PTPRD: variants seen among roughly 807,000 people sequenced by gnomAD.
PTPRD encodes the protein receptor-type tyrosine-protein phosphatase delta.
A neutral mutation model predicts 214.5 loss-of-function variants in PTPRD; 34 were observed. The observed-to-expected ratio is 0.16, with a 90% CI of 0.12 to 0.21. The LOEUF (loss-of-function observed/expected upper bound fraction) is 0.21. Among genes scored for constraint, PTPRD ranks in the 10% least tolerant of loss-of-function variants. The pLI is 1.00. For missense variants in PTPRD, 2,545 were observed against 2,398.7 expected, an observed-to-expected ratio of 1.06 and a Z score of -1.27; for synonymous variants, 1,128 against 845.7, an observed-to-expected ratio of 1.33 and a Z score of -5.79.
At chr9:8,750,200 G>A (rs974092309) in intron 11 of PTPRD, among the ~76,000 whole-genome samples, 4 of 151,952 alleles carry the variant, frequency 2.6e-5, no homozygotes, top group African/African-American at 7.3e-5. Flanking sequence ...TTCTATCTCC[G>A]AGGCTGGAGT....
intron 10 of PTPRD, among the ~76,000 whole-genome samples, chr9:9,038,403 C>A (rs1308876361): frequency 6.6e-6 from 1 of 152,090 alleles, no homozygotes; most frequent in Non-Finnish European, 1.5e-5. Flanking sequence ...CTTCTAAACA[C>A]CCCCACATAG....
intron 7 of PTPRD, among the ~76,000 whole-genome samples, chr9:9,657,497 T>C (rs567845453): frequency 1.3e-3 from 202 of 152,262 alleles, no homozygotes; most frequent in Non-Finnish European, 2.5e-3. Context: ...AAATACCTAA[T>C]GTAAATGACG....
chr9:8,656,561 T>C (rs1433609450), intron 12 of PTPRD, among the ~76,000 whole-genome samples: 2 of 152,180 alleles, frequency 1.3e-5, no homozygotes, highest in Non-Finnish European at 2.9e-5. Flanking sequence ...TCAAATACAT[T>C]ATACAATTTG....
At chr9:9,033,061 T>A (rs767718312) in intron 10 of PTPRD, among the ~76,000 whole-genome samples, 1 of 152,152 alleles carries the variant, frequency 6.6e-6, no homozygotes, top group Admixed American at 6.6e-5. Context: ...GTACTTATCC[T>A]TTCCTAATGG....
rs74712977 is a variant in PTPRD at position 8,546,960 on chromosome 9, G to A, written c.353-18181C>T. On this transcript the variant is annotated intron_variant, in intron 14 of 45. Coordinates refer to ENST00000381196, the MANE Select transcript of PTPRD (RefSeq NM_002839.4). ...GGCACAGAAGTCCATGGCATGGACC[G>A]TATGCACGTTCCAACTATACTCCTA... is the stretch of plus-strand genomic sequence containing the variant. Among the ~76,000 whole-genome samples the A allele has an allele frequency of 3.9e-3, 596 of 152,270 alleles. 3 individuals carry two copies. Among genetic ancestry groups the A allele is most frequent in the African/African-American group, 0.014 (563 of 41,558 alleles).
chr9:10,566,008 A>C (rs142434606), intron 2 of PTPRD, among the ~76,000 whole-genome samples: 1 of 151,936 alleles, frequency 6.6e-6, no homozygotes, highest in East Asian at 1.9e-4. Flanking sequence ...AAGGTTGTCT[A>C]TTTTTGAGTT....
In PTPRD at chr9:9,882,880, C is replaced by T. The variant is rs534768731; in HGVS notation, c.-368+55627G>A. ...TGAATCCCCTGTGAATGGCTTAGTG[C>T]CCTCCCTGTGGTAATGAGGTCACAT... is the stretch of plus-strand genomic sequence containing the variant. On this transcript the variant is annotated intron_variant, in intron 5 of 45. Transcript: ENST00000381196. 8.1e-4 allele frequency among the ~76,000 whole-genome samples: 124 copies of T among 152,236 alleles called. 1 individual carries two copies. Among genetic ancestry groups the T allele is most frequent in the African/African-American group, 2.9e-3 (122 of 41,548 alleles).
At chr9:9,141,115 CTCT>C (rs1007198747) in intron 10 of PTPRD, among the ~76,000 whole-genome samples, 15 of 150,762 alleles carry the variant, frequency 9.9e-5, no homozygotes, top group African/African-American at 1.5e-4. Flanking sequence ...CTTCCTTCTC[CTCT>C]TCTTCTTCTT....
chr9:9,650,874 T>C (rs2096324479), intron 7 of PTPRD, among the ~76,000 whole-genome samples: 1 of 152,080 alleles, frequency 6.6e-6, no homozygotes, highest in Non-Finnish European at 1.5e-5. Flanking sequence ...TATATATAAA[T>C]AATTAGCTAA....
chr9:9,930,674 C>A (rs556407904), intron 5 of PTPRD, among the ~76,000 whole-genome samples: 3 of 152,074 alleles, frequency 2.0e-5, no homozygotes, highest in South Asian at 4.2e-4. Context: ...TTGAGTATAT[C>A]AGTATGGCTA....
intron 9 of PTPRD, among the ~76,000 whole-genome samples, chr9:9,232,464 T>A (rs919234561): frequency 2.6e-5 from 4 of 152,178 alleles, no homozygotes; most frequent in Non-Finnish European, 5.9e-5. Context: ...CAATTCACAA[T>A]AATGAAGCTT....
At chr9:9,443,133 G>T (rs992673360) in intron 8 of PTPRD, among the ~76,000 whole-genome samples, 1 of 151,942 alleles carries the variant, frequency 6.6e-6, no homozygotes, top group Non-Finnish European at 1.5e-5. Context: ...CAAAAATAGG[G>T]CCATTCTATG....
intron 10 of PTPRD, among the ~76,000 whole-genome samples, chr9:9,168,818 A>G (rs1239216359): frequency 1.3e-5 from 2 of 152,086 alleles, no homozygotes; most frequent in Non-Finnish European, 2.9e-5. Context: ...GTACATTTGA[A>G]TAAGACCTTA....
chr9:9,028,394 G>T (rs2099594187), intron 10 of PTPRD, among the ~76,000 whole-genome samples: 1 of 151,822 alleles, frequency 6.6e-6, no homozygotes, highest in Admixed American at 6.6e-5. Flanking sequence ...TTTAGTTTGT[G>T]TTACTTTTAC....
At chr9:8,958,644 G>C (rs764365230) in intron 11 of PTPRD, 2 of 151,956 alleles carry the variant, frequency 1.3e-5, no homozygotes, top group Non-Finnish European at 2.9e-5. Flanking sequence ...AGTTGGATTT[G>C]AGCCAATAAG....
At chr9:9,462,047 T>A (rs895234566) in intron 8 of PTPRD, among the ~76,000 whole-genome samples, 3 of 152,160 alleles carry the variant, frequency 2.0e-5, no homozygotes, top group African/African-American at 7.2e-5. Context: ...TATTTTTGTC[T>A]TCCTGATCTA....
intron 11 of PTPRD, among the ~76,000 whole-genome samples, chr9:9,017,905 A>G (rs1189742707): frequency 6.6e-6 from 1 of 152,098 alleles, no homozygotes; most frequent in Non-Finnish European, 1.5e-5. Context: ...TATTTATTGA[A>G]TATCGTGTCT....
chr9:9,781,886 G>T (rs1400343190), intron 5 of PTPRD, among the ~76,000 whole-genome samples: 3 of 150,762 alleles, frequency 2.0e-5, no homozygotes, highest in Admixed American at 6.6e-5. Flanking sequence ...TCCGCCTCCC[G>T]AGTTCACGCC....
chr9:8,375,546 C>T (rs1003588163), intron 39 of PTPRD, among the ~76,000 whole-genome samples: 1 of 151,936 alleles, frequency 6.6e-6, no homozygotes, highest in African/African-American at 2.4e-5. Flanking sequence ...TAATTTTTTT[C>T]CCCTATAAAT....
Sources: gnomAD v4.1 joint callset for allele counts (sites outside exome capture counted in the v4.1 genomes callset) on GRCh38, gnomAD v4.1.1 for gene constraint, MANE v1.5 for transcripts, NCBI Gene and HGNC (gene_info 2026-07-23, HGNC 2026-07-21) for gene names.